Variants in CCSER1 observed in about 807,000 individuals in gnomAD.
The protein encoded by CCSER1 is serine-rich coiled-coil domain-containing protein 1.
A neutral mutation model predicts 82.0 loss-of-function variants in CCSER1; 41 were observed. That is an observed-to-expected ratio of 0.50 (90% CI 0.39 to 0.65). The LOEUF (loss-of-function observed/expected upper bound fraction) is 0.65, where lower values mean the gene tolerates loss of function less well. Among genes scored for constraint, CCSER1 ranks in the 30% least tolerant of loss-of-function variants. CCSER1 has a pLI of 0.00. For missense variants in CCSER1, 1,119 were observed against 1,064.2 expected (o/e 1.05, Z -0.72); for synonymous variants, 414 against 383.9 (o/e 1.08, Z -0.92).
At chr4:90,156,402 A>T (rs150279613) in intron 1 of CCSER1, among the ~76,000 whole-genome samples, 240 of 152,258 alleles carry the variant, frequency 1.6e-3, no homozygotes, top group South Asian at 6.9e-3. Flanking sequence ...CTTCGTGCAG[A>T]GCTGAGTTCA....
intron 10 of CCSER1, among the ~76,000 whole-genome samples, chr4:91,226,491 A>T (rs897370283): frequency 2.0e-5 from 3 of 151,924 alleles, no homozygotes; most frequent in Non-Finnish European, 4.4e-5. Flanking sequence ...ATAGGGCAGA[A>T]TTTTATAGCG....
At chr4:90,918,978 CG>C (rs1408488236) in intron 8 of CCSER1, among the ~76,000 whole-genome samples, 9 of 150,632 alleles carry the variant, frequency 6.0e-5, no homozygotes, top group Non-Finnish European at 1.3e-4. Context: ...TCCAAACTTA[CG>C]CTCCAAAATG....
intron 10 of CCSER1, among the ~76,000 whole-genome samples, chr4:91,189,453 C>G (rs1477900008): frequency 6.6e-6 from 1 of 152,100 alleles, no homozygotes; most frequent in East Asian, 1.9e-4. Flanking sequence ...CATCTGGTCT[C>G]CAGTGGCCTG....
At chr4:90,978,820 C>T (rs1206540192) in intron 9 of CCSER1, among the ~76,000 whole-genome samples, 2 of 151,666 alleles carry the variant, frequency 1.3e-5, no homozygotes, top group Admixed American at 6.6e-5. Context: ...CTTTAGAAAG[C>T]TTGTGTGATG....
chr4:90,582,761 G>A (rs539875115), intron 5 of CCSER1, among the ~76,000 whole-genome samples: 9 of 152,192 alleles, frequency 5.9e-5, no homozygotes, highest in African/African-American at 2.2e-4. Flanking sequence ...CCCTTTTCAG[G>A]TATCCCTATG....
intron 1 of CCSER1, among the ~76,000 whole-genome samples, chr4:90,220,354 C>A: frequency 6.6e-6 from 1 of 151,922 alleles, no homozygotes; most frequent in Admixed American, 6.6e-5. Context: ...TATCTCAAAA[C>A]AACAAACTAT....
intron 7 of CCSER1, among the ~76,000 whole-genome samples, chr4:90,798,164 G>A (rs1032614915): frequency 6.6e-6 from 1 of 151,332 alleles, no homozygotes; most frequent in African/African-American, 2.5e-5. Context: ...CAGAGGTTTT[G>A]TTTGCTCATT....
intron 1 of CCSER1, among the ~76,000 whole-genome samples, chr4:90,276,255 C>CTTTCTTTCTTTGT (rs1560929917): frequency 1.3e-4 from 7 of 52,840 alleles, no homozygotes; most frequent in African/African-American, 5.0e-4. Flanking sequence ...TCTTTCTTTC[C>CTTTCTTTCTTTGT]TTCCTTCCTT....
intron 10 of CCSER1, among the ~76,000 whole-genome samples, chr4:91,302,502 G>C (rs540782548): frequency 6.6e-6 from 1 of 152,026 alleles, no homozygotes; most frequent in East Asian, 1.9e-4. Flanking sequence ...GTTTCCTCCA[G>C]ATCAAATCTT....
intron 1 of CCSER1, among the ~76,000 whole-genome samples, chr4:90,155,433 G>A (rs1238613318): frequency 1.3e-5 from 2 of 152,078 alleles, no homozygotes; most frequent in Non-Finnish European, 2.9e-5. Context: ...TCTGTTGATT[G>A]GAATAGTTTC....
chr4:90,667,310 T>G (rs1361609636), intron 6 of CCSER1, among the ~76,000 whole-genome samples: 1 of 152,180 alleles, frequency 6.6e-6, no homozygotes, highest in Non-Finnish European at 1.5e-5. Flanking sequence ...TTGTGAAGAT[T>G]AAATGAGTAC....
chr4:91,357,439 CA>C (rs1467442641), intron 10 of CCSER1, among the ~76,000 whole-genome samples: 3 of 152,084 alleles, frequency 2.0e-5, no homozygotes, highest in Non-Finnish European at 4.4e-5. Flanking sequence ...GTCCAGTTCA[CA>C]GAAAAACTGG....
chr4:90,138,179 T>C (rs1487431161), intron 1 of CCSER1, among the ~76,000 whole-genome samples: 4 of 151,926 alleles, frequency 2.6e-5, no homozygotes, highest in African/African-American at 9.7e-5. Context: ...TACTTAAGAG[T>C]GACGTGGATT....
In CCSER1 at chr4:91,247,866, T is replaced by C. The variant is rs1297399213; in HGVS notation, c.2217+161872T>C. ...CTAGGCGACAGAGTGAGACTCTGTC[T>C]CAAAAAAAACAACAACAGAAAACAA... On this transcript the variant is annotated intron_variant, in intron 10 of 10. Transcript: ENST00000509176. Among the ~76,000 whole-genome samples the C allele has an allele frequency of 2.6e-5, 4 of 151,798 alleles. No homozygotes were observed. The East Asian group carries it at 5.8e-4, about 22-fold the overall frequency.
intron 9 of CCSER1, among the ~76,000 whole-genome samples, chr4:91,044,401 G>A (rs893781004): frequency 3.9e-5 from 6 of 152,058 alleles, no homozygotes; most frequent in South Asian, 2.1e-4. Flanking sequence ...GCTTTGCAGC[G>A]CACAAAATGT....
At chr4:91,083,452 A>C (rs1723022466) in intron 9 of CCSER1, among the ~76,000 whole-genome samples, 1 of 152,160 alleles carries the variant, frequency 6.6e-6, no homozygotes, top group African/African-American at 2.4e-5. Context: ...AGATATACCT[A>C]ATGTAAATGA....
At chr4:91,000,228 T>C (rs1427354743) in intron 9 of CCSER1, among the ~76,000 whole-genome samples, 1 of 10,254 alleles carries the variant, frequency 9.8e-5, no homozygotes, top group African/African-American at 2.0e-4. Flanking sequence ...AGGTATAGTA[T>C]AGTATAGTAT....
intron 5 of CCSER1, among the ~76,000 whole-genome samples, chr4:90,620,515 T>G (rs1722109987): frequency 6.6e-6 from 1 of 152,234 alleles, no homozygotes; most frequent in African/African-American, 2.4e-5. Flanking sequence ...ACACAAGTAC[T>G]GTCCCTGTTA....
chr4:91,206,897 T>A (rs1031100986), intron 10 of CCSER1, among the ~76,000 whole-genome samples: 7 of 151,890 alleles, frequency 4.6e-5, no homozygotes, highest in African/African-American at 1.4e-4. Context: ...TATTTGGGCA[T>A]TATTTATATC....
Sources: gnomAD v4.1 joint callset for allele counts (sites outside exome capture counted in the v4.1 genomes callset) on GRCh38, gnomAD v4.1.1 for gene constraint, MANE v1.5 for transcripts, NCBI Gene and HGNC (gene_info 2026-07-23, HGNC 2026-07-21) for gene names.